Variants in SERPINA6 observed in about 807,000 individuals in gnomAD.
The protein encoded by SERPINA6 is corticosteroid-binding globulin.
In SERPINA6, 19 loss-of-function variants were observed where a neutral mutation model predicts 26.4. The observed-to-expected ratio is 0.72, with a 90% CI of 0.50 to 1.06. The LOEUF (loss-of-function observed/expected upper bound fraction) is 1.06, where lower values mean the gene tolerates loss of function less well. Ranked by LOEUF, SERPINA6 falls within the 50% of genes least tolerant of loss-of-function variation. The probability of loss-of-function intolerance (pLI) is 0.00; values close to 1 mark genes in which losing one functional copy is unlikely to be tolerated. For missense variants in SERPINA6, 473 were observed against 504.0 expected, an observed-to-expected ratio of 0.94 and a Z score of 0.59; for synonymous variants, 196 against 199.4, an observed-to-expected ratio of 0.98 and a Z score of 0.14.
chr14:94,315,014 C>T (rs1895593884), intron 1 of SERPINA6, among the ~76,000 whole-genome samples: 1 of 152,066 alleles, frequency 6.6e-6, no homozygotes, highest in Non-Finnish European at 1.5e-5. Context: ...TAAAACCCAC[C>T]CAAAGGATAT....
chr14:94,314,604 G>T lies in SERPINA6; in HGVS notation c.45C>A (p.Ser15Arg), dbSNP rs768544398. Reference protein sequence around the residue: ...LYTCLLWLPTSGLWTVQAMDP... With the variant: ...LYTCLLWLPTRGLWTVQAMDP... ...CCATGGCCTGGACGGTCCAGAGGCC[G>T]CTGGTGGGCAGCCAGAGAAGACAGG... Residue 15 changes from serine (S) to arginine (R), a missense_variant, in exon 2 of 5, where the codon AGC becomes AGA. Coordinates refer to ENST00000341584, the MANE Select transcript of SERPINA6 (RefSeq NM_001756.4). The T allele has an allele frequency of 1.2e-6, 2 of 1,614,160 alleles. No homozygotes were observed. Among genetic ancestry groups the T allele is most frequent in the East Asian group, 4.5e-5 (2 of 44,894 alleles).
intron 3 of SERPINA6, 123 bp from the exon 4 acceptor site, chr14:94,306,341 C>T: frequency 1.0e-6 from 1 of 999,590 alleles, no homozygotes; most frequent in Non-Finnish European, 1.5e-6. Flanking sequence ...TCCTGCCCTC[C>T]AGCCTGACTT....
intron 4 of SERPINA6, among the ~76,000 whole-genome samples, chr14:94,305,554 A>G (rs913222312): frequency 6.6e-6 from 1 of 152,200 alleles, no homozygotes; most frequent in African/African-American, 2.4e-5. Context: ...TCTTGAGGTC[A>G]GGGGCCACAC....
chr14:94,310,287 G>T (rs1895509978), intron 2 of SERPINA6, among the ~76,000 whole-genome samples: 3 of 152,172 alleles, frequency 2.0e-5, no homozygotes. Context: ...CCTTGGATTT[G>T]GGGGTAGGTC....
intron 1 of SERPINA6, among the ~76,000 whole-genome samples, chr14:94,317,539 T>C (rs1478105796): frequency 6.6e-6 from 1 of 152,240 alleles, no homozygotes; most frequent in Admixed American, 6.5e-5. Flanking sequence ...TTAACAGGAC[T>C]CTCTCTTGCT....
At chr14:94,308,278 C>T (rs568271316) in intron 3 of SERPINA6, among the ~76,000 whole-genome samples, 8 of 152,362 alleles carry the variant, frequency 5.3e-5, no homozygotes, top group East Asian at 1.9e-4. Flanking sequence ...CTCACATTGT[C>T]GTACCACTAT....
At chr14:94,313,564 G>A (rs1277536748) in intron 2 of SERPINA6, among the ~76,000 whole-genome samples, 1 of 152,224 alleles carries the variant, frequency 6.6e-6, no homozygotes, top group African/African-American at 2.4e-5. Context: ...GCCTGGAAGT[G>A]CATTCCCCCC....
intron 2 of SERPINA6, among the ~76,000 whole-genome samples, chr14:94,310,724 G>T (rs1895517951): frequency 6.6e-6 from 1 of 152,188 alleles, no homozygotes; most frequent in African/African-American, 2.4e-5. Context: ...TCCGCCACCA[G>T]CAGGACCTCT....
In SERPINA6 at chr14:94,304,385, C is replaced by G. The variant is rs777523672; in HGVS notation, c.*33G>C. 1.9e-6 allele frequency: 3 copies of G among 1,608,868 alleles called. No individual in the cohort carries two copies. The highest frequency in any genetic ancestry group is 1.1e-5 in the South Asian group (1 of 90,940). On this transcript the variant is annotated 3_prime_UTR_variant, in exon 5 of 5. Coordinates refer to ENST00000341584, the MANE Select transcript of SERPINA6 (RefSeq NM_001756.4). ...CTGTGGGATCCCTGGTTCCCAAAGT[C>G]AGACAGTGCTGAGGCTCTGGGTGGG... is the stretch of plus-strand genomic sequence containing the variant.
rs576411219 is a variant in SERPINA6, at chr14:94,322,399, A to G, written c.-20+868T>C. 7.9e-5 allele frequency among the ~76,000 whole-genome samples: 12 copies of G among 152,274 alleles called. No individual in the cohort carries two copies. In the East Asian group the frequency reaches 2.1e-3, roughly 27 times the overall value. ...ATGGTGTGTGCCTGTAATTCCAGCT[A>G]CTCGGGAGGCTGAGGCTGGAGAATA... On this transcript the variant is annotated intron_variant, in intron 1 of 4. Coordinates refer to ENST00000341584, the MANE Select transcript of SERPINA6 (RefSeq NM_001756.4).
chr14:94,318,797 A>G (rs1895645898), intron 1 of SERPINA6, among the ~76,000 whole-genome samples: 1 of 152,232 alleles, frequency 6.6e-6, no homozygotes. Context: ...AACAAAATAA[A>G]AAATAAACAA....
At chr14:94,306,398 C>G (rs1039347982) in intron 3 of SERPINA6, among the ~76,000 whole-genome samples, 180 bp from the exon 4 acceptor site, 3 of 152,224 alleles carry the variant, frequency 2.0e-5, no homozygotes, top group Admixed American at 6.5e-5. Context: ...CAGGATCTGT[C>G]TCTGCCTCCA....
chr14:94,310,629 C>T (rs973190838), intron 2 of SERPINA6, among the ~76,000 whole-genome samples: 8 of 152,172 alleles, frequency 5.3e-5, no homozygotes, highest in Non-Finnish European at 1.0e-4. Flanking sequence ...GAGCTCACTA[C>T]CTTCACAGAT....
chr14:94,316,923 A>C (rs980001915), intron 1 of SERPINA6, among the ~76,000 whole-genome samples: 1 of 152,106 alleles, frequency 6.6e-6, no homozygotes, highest in African/African-American at 2.4e-5. Flanking sequence ...CCTATTGTGG[A>C]GCTGCACCAT....
intron 4 of SERPINA6, among the ~76,000 whole-genome samples, chr14:94,305,721 A>C (rs931126605): frequency 6.6e-6 from 1 of 152,214 alleles, no homozygotes; most frequent in African/African-American, 2.4e-5. Context: ...ATATGATCCC[A>C]ATTAGACATT....
chr14:94,319,577 G>A (rs886815436), intron 1 of SERPINA6, among the ~76,000 whole-genome samples: 1 of 152,140 alleles, frequency 6.6e-6, no homozygotes, highest in East Asian at 1.9e-4. Flanking sequence ...ATCAATGGAT[G>A]AATGAATAAA....
At chr14:94,313,635 G>A (rs756100681) in intron 2 of SERPINA6, among the ~76,000 whole-genome samples, 3 of 152,204 alleles carry the variant, frequency 2.0e-5, no homozygotes, top group Non-Finnish European at 4.4e-5. Context: ...CCTGGTCAGA[G>A]CAGTGTGTGC....
intron 1 of SERPINA6, among the ~76,000 whole-genome samples, chr14:94,321,845 C>G (rs1895688118): frequency 6.6e-6 from 1 of 152,242 alleles, no homozygotes; most frequent in Admixed American, 6.5e-5. Flanking sequence ...TATCTGGGAT[C>G]TCCTCTCAGG....
chr14:94,306,633 T>C (rs942621231), intron 3 of SERPINA6, among the ~76,000 whole-genome samples: 1 of 152,194 alleles, frequency 6.6e-6, no homozygotes, highest in Admixed American at 6.5e-5. Flanking sequence ...GTGCCACTAA[T>C]GCTGTGTGGC....
Sources: allele counts gnomAD v4.1 joint callset (sites outside exome capture counted in the v4.1 genomes callset), GRCh38; gene constraint gnomAD v4.1.1; transcripts MANE v1.5; gene names NCBI Gene and HGNC (gene_info 2026-07-23, HGNC 2026-07-21).